PTPRT: variants seen among roughly 807,000 people sequenced by gnomAD.
PTPRT encodes the protein protein tyrosine phosphatase receptor type T.
Under a neutral mutation model 176.8 loss-of-function variants are expected in PTPRT, and 56 were observed. The observed-to-expected ratio is 0.32, with a 90% CI of 0.26 to 0.40. The LOEUF (loss-of-function observed/expected upper bound fraction) is 0.40, where lower values mean the gene tolerates loss of function less well. Ranked by LOEUF, PTPRT falls within the 10% of genes least tolerant of loss-of-function variation. The pLI, the probability that PTPRT is intolerant of heterozygous loss-of-function variation, is 1.00. For missense variants in PTPRT, 1,540 were observed against 1,908.2 expected, an observed-to-expected ratio of 0.81 and a Z score of 3.60; for synonymous variants, 783 against 739.0, an observed-to-expected ratio of 1.06 and a Z score of -0.96.
At chr20:42,071,807 C>T (rs1982350189), downstream of PTPRT, among the ~76,000 whole-genome samples, 1 of 152,128 alleles carries the variant, frequency 6.6e-6, no homozygotes, top group African/African-American at 2.4e-5. Context: ...CAGGTGTGTG[C>T]CACCATGCCT....
intron 13 of PTPRT, among the ~76,000 whole-genome samples, chr20:42,258,689 A>G (rs1261803904): frequency 6.6e-6 from 1 of 152,204 alleles, no homozygotes; most frequent in Non-Finnish European, 1.5e-5. Context: ...GCACTTGAGA[A>G]GGATTATTTC....
At chr20:42,138,524 G>A (rs1248448971) in intron 18 of PTPRT, among the ~76,000 whole-genome samples, 1 of 152,192 alleles carries the variant, frequency 6.6e-6, no homozygotes, top group Non-Finnish European at 1.5e-5. Flanking sequence ...GATCCCAGAA[G>A]GGGGCCTCAT....
At chr20:42,248,550 C>T in intron 14 of PTPRT, 137 bp downstream of exon 14, 1 of 1,164,372 alleles carries the variant, frequency 8.6e-7, no homozygotes, top group Non-Finnish European at 1.2e-6. Flanking sequence ...ACAGCCGGCC[C>T]ATGTATTTCC....
intron 1 of PTPRT, among the ~76,000 whole-genome samples, chr20:43,027,440 C>T (rs1020904279): frequency 1.3e-5 from 2 of 150,518 alleles, no homozygotes; most frequent in African/African-American, 2.4e-5. Context: ...CGTGCCACTA[C>T]ACTCCAGCCT....
chr20:42,282,382 C>A, intron 13 of PTPRT, 107 bp downstream of exon 13: 1 of 1,166,152 alleles, frequency 8.6e-7, no homozygotes, highest in South Asian at 1.4e-5. Flanking sequence ...AATAACAATT[C>A]TTTCTTGTTT....
chr20:42,272,887 A>G (rs191641204), intron 13 of PTPRT, among the ~76,000 whole-genome samples: 3 of 152,306 alleles, frequency 2.0e-5, no homozygotes, highest in Admixed American at 1.3e-4. Flanking sequence ...AGTGATTTGC[A>G]TACCTACTCC....
At chr20:43,133,521 G>A (rs549729750) in intron 1 of PTPRT, among the ~76,000 whole-genome samples, 17 of 152,124 alleles carry the variant, frequency 1.1e-4, no homozygotes, top group East Asian at 3.9e-4. Context: ...CGAGGCAGGC[G>A]GATCACGAGG....
At chr20:43,041,817 T>C (rs1169602296) in intron 1 of PTPRT, among the ~76,000 whole-genome samples, 2 of 152,244 alleles carry the variant, frequency 1.3e-5, no homozygotes, top group Admixed American at 6.5e-5. Flanking sequence ...TGTTTATGTA[T>C]TATCAATGGC....
At chr20:42,914,527 T>C (rs923198965) in intron 1 of PTPRT, among the ~76,000 whole-genome samples, 62 of 152,188 alleles carry the variant, frequency 4.1e-4, no homozygotes, top group Non-Finnish European at 4.4e-5. Flanking sequence ...CTATTGACGC[T>C]TGCAACAATA....
intron 1 of PTPRT, among the ~76,000 whole-genome samples, chr20:43,019,617 CAAAAA>C (rs539102745): frequency 3.6e-5 from 2 of 56,110 alleles, no homozygotes; most frequent in Non-Finnish European, 4.1e-5. Context: ...GACACCGTCT[CAAAAA>C]AAAAAAAAAA....
At chr20:42,937,926 G>A (rs1327771562) in intron 1 of PTPRT, among the ~76,000 whole-genome samples, 1 of 152,162 alleles carries the variant, frequency 6.6e-6, no homozygotes, top group African/African-American at 2.4e-5. Flanking sequence ...GATATGCTAA[G>A]TCACTTCAAG....
chr20:43,170,319 T>C (rs752618933), intron 1 of PTPRT, among the ~76,000 whole-genome samples: 5 of 152,178 alleles, frequency 3.3e-5, no homozygotes, highest in Non-Finnish European at 7.4e-5. Flanking sequence ...TTATTCCCAT[T>C]TGCTAGGCAC....
chr20:42,589,128 T>C lies in PTPRT; in HGVS notation c.1153+88738A>G, dbSNP rs573891459. 2.6e-5 allele frequency among the ~76,000 whole-genome samples: 4 copies of C among 152,254 alleles called. No individual in the cohort carries two copies. In the East Asian group the frequency reaches 7.7e-4, roughly 29 times the overall value. On this transcript the variant is annotated intron_variant, in intron 7 of 30. Coordinates refer to ENST00000373187, the MANE Select transcript of PTPRT (RefSeq NM_007050.6). ...TCAATTAAATGCTGTCATTGAGACA[T>C]GGGCAGCAGCGAACCCCACTCTCCA... is the stretch of plus-strand genomic sequence containing the variant.
At chr20:42,262,936 G>C (rs16986723) in intron 13 of PTPRT, among the ~76,000 whole-genome samples, 2,134 of 152,244 alleles carry the variant, frequency 0.014, 45 homozygotes, top group African/African-American at 0.049. Context: ...GGCCAGTAAA[G>C]GTTTTGCAGA....
At chr20:43,037,069 G>C (rs1023841301) in intron 1 of PTPRT, among the ~76,000 whole-genome samples, 7 of 152,188 alleles carry the variant, frequency 4.6e-5, no homozygotes, top group Non-Finnish European at 1.0e-4. Context: ...TAGGTGAATT[G>C]CCAAATTCAA....
chr20:42,302,072 A>G (rs907078764), intron 12 of PTPRT, among the ~76,000 whole-genome samples: 17 of 152,138 alleles, frequency 1.1e-4, no homozygotes, highest in Admixed American at 3.3e-4. Flanking sequence ...CATTGGGTAC[A>G]TTCCTTATTT....
At chr20:42,790,527 C>T (rs1480950152) in intron 3 of PTPRT, among the ~76,000 whole-genome samples, 1 of 152,158 alleles carries the variant, frequency 6.6e-6, no homozygotes, top group African/African-American at 2.4e-5. Context: ...ATTAGCCTGA[C>T]ATTCAAAGCC....
At chr20:43,150,996 C>T (rs1160524476) in intron 1 of PTPRT, among the ~76,000 whole-genome samples, 2 of 152,094 alleles carry the variant, frequency 1.3e-5, no homozygotes, top group African/African-American at 4.8e-5. Flanking sequence ...AATCTTAGCA[C>T]TTCAGTGTGG....
chr20:43,092,812 C>A (rs575559717), intron 1 of PTPRT, among the ~76,000 whole-genome samples: 2 of 152,182 alleles, frequency 1.3e-5, no homozygotes, highest in Non-Finnish European at 2.9e-5. Context: ...CTGTAATAGA[C>A]ATGAGACTGA....
Sources: allele counts gnomAD v4.1 joint callset (sites outside exome capture counted in the v4.1 genomes callset), GRCh38; gene constraint gnomAD v4.1.1; transcripts MANE v1.5; gene names NCBI Gene and HGNC (gene_info 2026-07-23, HGNC 2026-07-21).